LRRC7: variants seen among roughly 807,000 people sequenced by gnomAD.
LRRC7 encodes the protein leucine-rich repeat-containing protein 7.
Under a neutral mutation model 175.7 loss-of-function variants are expected in LRRC7, and 23 were observed. That is an observed-to-expected ratio of 0.13 (90% CI 0.09 to 0.19). The LOEUF (loss-of-function observed/expected upper bound fraction) is 0.19, where lower values mean the gene tolerates loss of function less well. LRRC7 is among the 10% of genes least tolerant of loss of function. The pLI is 1.00. For synonymous variants in LRRC7, 685 were observed against 680.9 expected (o/e 1.01, Z -0.09); for missense variants, 1,354 against 1,904.7 (o/e 0.71, Z 5.38).
intron 2 of LRRC7, among the ~76,000 whole-genome samples, chr1:69,736,448 A>G (rs951274077): frequency 3.9e-5 from 6 of 152,128 alleles, no homozygotes; most frequent in Admixed American, 2.0e-4. Flanking sequence ...AACAGAATCC[A>G]GTGGTATTTG....
rs1026500766 is a variant in LRRC7, at chr1:70,142,573, T to C, written c.*20686T>C. The C allele has an allele frequency of 6.6e-6, 1 of 152,158 alleles. No individual in the cohort carries two copies. Among genetic ancestry groups the C allele is most frequent in the Non-Finnish European group, 1.5e-5 (1 of 67,986 alleles). 9.4% of individuals were successfully genotyped at this position (152,158 alleles called of 1,614,324 possible). A position where few individuals can be genotyped will look rare whatever the true frequency, so the allele number is the denominator to read the frequency against. On this transcript the variant is annotated 3_prime_UTR_variant, in exon 27 of 27. Transcript: ENST00000651989. ...GTCTTCATATGAAGAAGAAATTTTT[T>C]ACTAGTGGAAAATTAGAAGTAAATC...
chr1:69,609,395 A>T (rs1048515134), intron 1 of LRRC7, among the ~76,000 whole-genome samples: 10 of 152,176 alleles, frequency 6.6e-5, no homozygotes, highest in African/African-American at 1.9e-4. Flanking sequence ...AGATGAAATA[A>T]ATTTATTAGT....
chr1:69,709,498 G>A (rs1050874224), intron 2 of LRRC7, among the ~76,000 whole-genome samples: 4 of 152,152 alleles, frequency 2.6e-5, no homozygotes, highest in Non-Finnish European at 5.9e-5. Flanking sequence ...GTTTTTGTCA[G>A]GACTATGGGG....
At chr1:69,875,690 A>G (rs963081017) in intron 7 of LRRC7, among the ~76,000 whole-genome samples, 1 of 151,992 alleles carries the variant, frequency 6.6e-6, no homozygotes, top group Non-Finnish European at 1.5e-5. Context: ...CGTTTCATAT[A>G]TTTTCAGCCT....
chr1:70,047,434 GCTTGCCT>G (rs904284154), intron 22 of LRRC7, among the ~76,000 whole-genome samples: 31 of 152,142 alleles, frequency 2.0e-4, no homozygotes, highest in Admixed American at 1.7e-3. Flanking sequence ...GTTTGCCAAG[GCTTGCCT>G]CTTGCAACTA....
chr1:69,611,286 A>G (rs988813617), intron 1 of LRRC7, among the ~76,000 whole-genome samples: 3 of 151,734 alleles, frequency 2.0e-5, no homozygotes, highest in African/African-American at 7.3e-5. Context: ...CTAGGTTGTC[A>G]TTTGCCTTTT....
At chr1:69,606,251 A>G (rs1009937494) in intron 1 of LRRC7, among the ~76,000 whole-genome samples, 9 of 152,144 alleles carry the variant, frequency 5.9e-5, no homozygotes, top group African/African-American at 2.2e-4. Context: ...GAGCTGGTTC[A>G]AAGCTATTCA....
chr1:69,600,799 T>C (rs143615994), intron 1 of LRRC7, among the ~76,000 whole-genome samples: 1,250 of 86,948 alleles, frequency 0.014, 269 homozygotes, highest in Non-Finnish European at 0.019. Context: ...ATCTCTGGTT[T>C]CTTTTTTTTT....
chr1:69,772,530 C>A (rs1228856398), intron 3 of LRRC7, among the ~76,000 whole-genome samples: 1 of 152,112 alleles, frequency 6.6e-6, no homozygotes, highest in Non-Finnish European at 1.5e-5. Context: ...CTAAGAGAAA[C>A]AATGACATGA....
intron 25 of LRRC7, among the ~76,000 whole-genome samples, chr1:70,094,897 A>T (rs1339377119): frequency 6.6e-6 from 1 of 152,218 alleles, no homozygotes; most frequent in Non-Finnish European, 1.5e-5. Flanking sequence ...CCATATGCCT[A>T]TTTCCTGTCA....
intron 11 of LRRC7, among the ~76,000 whole-genome samples, chr1:70,001,519 G>A (rs1467179614): frequency 1.3e-5 from 2 of 152,056 alleles, no homozygotes; most frequent in East Asian, 1.9e-4. Flanking sequence ...ATGGCCAAAC[G>A]ATTTATGTTT....
chr1:69,647,498 T>TG (rs1372636438), intron 1 of LRRC7, among the ~76,000 whole-genome samples: 1 of 152,218 alleles, frequency 6.6e-6, no homozygotes, highest in African/African-American at 2.4e-5. Context: ...CTGATTTTGA[T>TG]GCTCTGTAGG....
intron 1 of LRRC7, among the ~76,000 whole-genome samples, chr1:69,631,588 C>T (rs763852701): frequency 1.0e-3 from 157 of 152,096 alleles, no homozygotes; most frequent in Non-Finnish European, 2.0e-3. Context: ...TCGCTTCTTT[C>T]CCCTCTCCGT....
At chr1:69,832,490 A>G (rs1301061815) in intron 5 of LRRC7, among the ~76,000 whole-genome samples, 2 of 152,290 alleles carry the variant, frequency 1.3e-5, no homozygotes, top group East Asian at 1.9e-4. Flanking sequence ...GTAAACATGT[A>G]TTTCACAGAA....
In LRRC7 at chr1:69,693,133, G is replaced by A. The variant is rs114219123; in HGVS notation, c.100+14655G>A. Among the ~76,000 whole-genome samples, 972 of 152,220 alleles carry A rather than the reference G, an allele frequency of 6.4e-3. 10 individuals carry two copies. The highest frequency in any genetic ancestry group is 0.022 in the African/African-American group (918 of 41,532). On this transcript the variant is annotated intron_variant, in intron 2 of 26. Coordinates refer to ENST00000651989, the MANE Select transcript of LRRC7 (RefSeq NM_001370785.2). ...TCCAGCTTATGAACAGCAGATTATG[G>A]AACTACTCAACCTCTATAATTGGTT...
chr1:69,603,400 G>T (rs187650378), intron 1 of LRRC7, among the ~76,000 whole-genome samples: 226 of 152,268 alleles, frequency 1.5e-3, no homozygotes, highest in Middle Eastern at 3.4e-3. Flanking sequence ...AAACAGAACT[G>T]CTCCCTTGCA....
At chr1:69,786,179 T>C (rs1250455887) in intron 3 of LRRC7, among the ~76,000 whole-genome samples, 1 of 152,122 alleles carries the variant, frequency 6.6e-6, no homozygotes, top group Non-Finnish European at 1.5e-5. Context: ...CTTGTATGCT[T>C]CTACCTGGCA....
intron 1 of LRRC7, among the ~76,000 whole-genome samples, chr1:69,629,982 G>A (rs986535576): frequency 1.3e-5 from 2 of 151,948 alleles, no homozygotes; most frequent in African/African-American, 2.4e-5. Context: ...TCAATTTCTT[G>A]TCACCAAATA....
rs1036737562 is a variant in LRRC7 at position 70,127,040 on chromosome 1, T to C, written c.*5153T>C. The stretch of plus-strand genomic sequence containing the variant: ...TCAACAGATGGTTACAGCTCCCAAT[T>C]TGGGAGGAACTTTCTTGGGTAACGC... On this transcript the variant is annotated 3_prime_UTR_variant, in exon 27 of 27. Transcript: ENST00000651989. 6.6e-6 allele frequency among the ~76,000 whole-genome samples: 1 copy of C among 152,116 alleles called. No homozygotes were observed. Among genetic ancestry groups the C allele is most frequent in the African/African-American group, 2.4e-5 (1 of 41,428 alleles).
Sources: allele counts gnomAD v4.1 joint callset (sites outside exome capture counted in the v4.1 genomes callset), GRCh38; gene constraint gnomAD v4.1.1; transcripts MANE v1.5; gene names NCBI Gene and HGNC (gene_info 2026-07-23, HGNC 2026-07-21).